CRPPA: variants seen among roughly 807,000 people sequenced by gnomAD.
CRPPA encodes the protein CDP-L-ribitol pyrophosphorylase A, also known as D-ribitol-5-phosphate cytidylyltransferase.
Under a neutral mutation model 52.0 loss-of-function variants are expected in CRPPA, and 43 were observed. The observed-to-expected ratio is 0.83, with a 90% CI of 0.65 to 1.07. The LOEUF (loss-of-function observed/expected upper bound fraction) is 1.07, where lower values mean the gene tolerates loss of function less well. Among genes scored for constraint, CRPPA ranks in the 50% least tolerant of loss-of-function variants. CRPPA has a pLI of 0.00. For synonymous variants in CRPPA, 250 were observed against 203.5 expected (o/e 1.23, Z -1.94); for missense variants, 629 against 551.7 (o/e 1.14, Z -1.40).
chr7:16,410,485 G>A (rs1226698712), intron 1 of CRPPA, among the ~76,000 whole-genome samples: 1 of 152,198 alleles, frequency 6.6e-6, no homozygotes, highest in African/African-American at 2.4e-5. Flanking sequence ...CTACTGCCAC[G>A]GCTGTGACCC....
At chr7:16,189,554 G>A (rs1365054395) in intron 9 of CRPPA, among the ~76,000 whole-genome samples, 2 of 152,070 alleles carry the variant, frequency 1.3e-5, no homozygotes, top group Non-Finnish European at 2.9e-5. Flanking sequence ...CAAAGCCAAA[G>A]GCTAAGTCTT....
At chr7:16,281,262 C>A (rs1784315814) in intron 5 of CRPPA, among the ~76,000 whole-genome samples, 1 of 152,118 alleles carries the variant, frequency 6.6e-6, no homozygotes, top group East Asian at 1.9e-4. Context: ...GTTTCCAGTG[C>A]AGACCCCTTT....
intron 1 of CRPPA, among the ~76,000 whole-genome samples, chr7:16,413,244 T>C (rs1258794135): frequency 1.3e-5 from 2 of 152,182 alleles, no homozygotes; most frequent in African/African-American, 4.8e-5. Flanking sequence ...TGTGAAGCCT[T>C]CCTACTATGG....
In CRPPA at chr7:16,421,243, G is replaced by T. The variant is rs1017826600; in HGVS notation, c.80C>A (p.Thr27Lys). The T allele has an allele frequency of 3.7e-5, 49 of 1,327,944 alleles. No homozygotes were observed. Among genetic ancestry groups the T allele is most frequent in the Non-Finnish European group, 4.7e-5 (49 of 1,032,032 alleles). The allele number at this position is 1,327,944 out of a possible 1,614,324, so 82.3% of individuals were successfully genotyped here. A position where few individuals can be genotyped will look rare whatever the true frequency, so the allele number is the denominator to read the frequency against. Residue 27 changes from threonine (T) to lysine (K), a missense_variant, in exon 1 of 10, where the codon ACG (threonine) becomes AAG (lysine). Transcript: ENST00000407010. ...CACGCTCTGCAGGGAGGCGGAAGCC[G>T]TGTGGTCCGCGCCGCGCTGACCACT... ...CLSGQRGADHTASASLQSVAG... is the reference protein window; with the variant it reads ...CLSGQRGADHKASASLQSVAG...
intron 3 of CRPPA, among the ~76,000 whole-genome samples, chr7:16,365,635 G>A (rs1786571592): frequency 6.6e-6 from 1 of 152,126 alleles, no homozygotes; most frequent in Non-Finnish European, 1.5e-5. Context: ...GATGAAAAAG[G>A]CAGGTGCCCT....
intron 6 of CRPPA, among the ~76,000 whole-genome samples, chr7:16,262,258 C>T (rs1783830569): frequency 6.6e-6 from 1 of 152,148 alleles, no homozygotes; most frequent in Admixed American, 6.5e-5. Flanking sequence ...CTGCCTTAGT[C>T]ATCTAAACAC....
At chr7:16,381,744 A>T (rs930292467) in intron 2 of CRPPA, among the ~76,000 whole-genome samples, 12 of 151,984 alleles carry the variant, frequency 7.9e-5, no homozygotes, top group Middle Eastern at 3.4e-3. Context: ...ACCATTATGT[A>T]ATGGCCTTCT....
chr7:16,397,343 ATG>A (rs1160701044), intron 2 of CRPPA, among the ~76,000 whole-genome samples: 25 of 152,362 alleles, frequency 1.6e-4, no homozygotes, highest in African/African-American at 4.8e-4. Flanking sequence ...CATGACCAAC[ATG>A]TGTTACAGGT....
At chr7:16,231,175 G>A (rs1270267370) in intron 8 of CRPPA, among the ~76,000 whole-genome samples, 1 of 152,120 alleles carries the variant, frequency 6.6e-6, no homozygotes, top group Non-Finnish European at 1.5e-5. Flanking sequence ...ATTCCATGCT[G>A]CCAGAGTTGG....
At chr7:16,391,476 T>C (rs934233679) in intron 2 of CRPPA, among the ~76,000 whole-genome samples, 3 of 152,168 alleles carry the variant, frequency 2.0e-5, no homozygotes, top group Non-Finnish European at 4.4e-5. Context: ...CACAAAGCAA[T>C]AGAACAAACC....
intron 9 of CRPPA, among the ~76,000 whole-genome samples, chr7:16,127,262 T>C (rs1782598774): frequency 6.6e-6 from 1 of 152,124 alleles, no homozygotes; most frequent in Non-Finnish European, 1.5e-5. Context: ...CACTGTTTTA[T>C]CAAGAGTTTC....
rs1020950940 is a variant in CRPPA, at chr7:16,421,228, A to G, written c.95T>C (p.Leu32Pro). ...RGADHTASAS[L>P]QSVAGTEPGR... is the part of the protein sequence containing the mutation. The stretch of plus-strand genomic sequence containing the variant: ...GGGCTCGGTCCCGGCCACGCTCTGC[A>G]GGGAGGCGGAAGCCGTGTGGTCCGC... Residue 32 changes from leucine (L) to proline (P), a missense_variant, in exon 1 of 10, where the codon CTG (leucine) becomes CCG (proline). Coordinates refer to ENST00000407010, the MANE Select transcript of CRPPA (RefSeq NM_001101426.4). 9.7e-6 allele frequency: 13 copies of G among 1,334,322 alleles called. No homozygotes were observed. The highest frequency in any genetic ancestry group is 1.3e-5 in the Non-Finnish European group (13 of 1,035,384). The allele number at this position is 1,334,322 out of a possible 1,614,324, so 82.7% of individuals were successfully genotyped here. A position where few individuals can be genotyped will look rare whatever the true frequency, so the allele number is the denominator to read the frequency against.
intron 3 of CRPPA, among the ~76,000 whole-genome samples, chr7:16,347,800 C>T (rs896775292): frequency 6.6e-6 from 1 of 152,132 alleles, no homozygotes; most frequent in Non-Finnish European, 1.5e-5. Context: ...CCCAGCTTCT[C>T]CCTGTGGAAA....
chr7:16,119,389 T>A (rs79658563), intron 9 of CRPPA, among the ~76,000 whole-genome samples: 8 of 149,858 alleles, frequency 5.3e-5, no homozygotes, highest in Admixed American at 5.3e-4. Context: ...AAAAAAAAAT[T>A]AAAAAAAATG....
intron 3 of CRPPA, among the ~76,000 whole-genome samples, chr7:16,365,354 C>A (rs766142764): frequency 6.6e-6 from 1 of 152,144 alleles, no homozygotes; most frequent in Non-Finnish European, 1.5e-5. Context: ...ATGAAGTGAC[C>A]AGCTGTGTTT....
chr7:16,216,208 TA>T lies in CRPPA; in HGVS notation c.1120-12del, dbSNP rs1562563087. On this transcript the variant is annotated splice_polypyrimidine_tract_variant and intron_variant, in intron 8 of 9. Coordinates refer to ENST00000407010, the MANE Select transcript of CRPPA (RefSeq NM_001101426.4). The stretch of plus-strand genomic sequence containing the variant: ...ATCAAGAAAATGAACCTGCAAAATA[TA>T]AAAGACAGTATTTAGAATATCATTC... The T allele has an allele frequency of 6.6e-7, 1 of 1,526,000 alleles. No individual in the cohort carries two copies. The highest frequency in any genetic ancestry group is 8.9e-7 in the Non-Finnish European group (1 of 1,119,168). The allele number at this position is 1,526,000 out of a possible 1,614,324, so 94.5% of individuals were successfully genotyped here. A position where few individuals can be genotyped will look rare whatever the true frequency, so the allele number is the denominator to read the frequency against.
At chr7:16,213,400 T>C (rs961684457) in intron 9 of CRPPA, among the ~76,000 whole-genome samples, 1 of 128,934 alleles carries the variant, frequency 7.8e-6, no homozygotes, top group Non-Finnish European at 1.6e-5. Flanking sequence ...CATATCCTGT[T>C]TTGGGGACTT....
chr7:16,133,983 G>C (rs1226396481), intron 9 of CRPPA, among the ~76,000 whole-genome samples: 1 of 123,526 alleles, frequency 8.1e-6, no homozygotes, highest in Non-Finnish European at 1.8e-5. Flanking sequence ...CCAGGCTGGA[G>C]TGCAGTGGCG....
chr7:16,240,896 T>A (rs1446972918), intron 8 of CRPPA, among the ~76,000 whole-genome samples: 1 of 152,190 alleles, frequency 6.6e-6, no homozygotes, highest in East Asian at 1.9e-4. Context: ...GAAGCTAAAG[T>A]AAGAAGCCAT....
Sources: gnomAD v4.1 joint callset for allele counts (sites outside exome capture counted in the v4.1 genomes callset) on GRCh38, gnomAD v4.1.1 for gene constraint, MANE v1.5 for transcripts, NCBI Gene and HGNC (gene_info 2026-07-23, HGNC 2026-07-21) for gene names.